Variants in SGCD observed in about 807,000 individuals in gnomAD.
SGCD encodes sarcoglycan delta, also known as delta-sarcoglycan.
In SGCD, 18 loss-of-function variants were observed where a neutral mutation model predicts 36.6. That is an observed-to-expected ratio of 0.49 (90% confidence interval 0.34 to 0.73). SGCD has a LOEUF of 0.73. Among genes scored for constraint, SGCD ranks in the 30% least tolerant of loss-of-function variants. The pLI, the probability that SGCD is intolerant of heterozygous loss-of-function variation, is 0.01. For synonymous variants in SGCD, 133 were observed against 130.6 expected (o/e 1.02, Z -0.12); for missense variants, 387 against 346.7 (o/e 1.12, Z -0.92).
At chr5:155,999,311 C>A (rs1479927023) in intron 1 of SGCD, among the ~76,000 whole-genome samples, 1 of 152,164 alleles carries the variant, frequency 6.6e-6, no homozygotes, top group Non-Finnish European at 1.5e-5. Flanking sequence ...GTTTGTTTCC[C>A]CCACTAAACA....
At chr5:155,881,323 T>TAAATAAATAAATAAAG (rs942789932) in intron 1 of SGCD, among the ~76,000 whole-genome samples, 38 of 151,510 alleles carry the variant, frequency 2.5e-4, no homozygotes, top group Admixed American at 6.6e-4. Flanking sequence ...AATAAATAAA[T>TAAATAAATAAATAAAG]AAAGAATATA....
chr5:156,472,769 A>G (rs1170204778), intron 3 of SGCD, among the ~76,000 whole-genome samples: 1 of 152,178 alleles, frequency 6.6e-6, no homozygotes, highest in East Asian at 1.9e-4. Flanking sequence ...TGAAAGAAAC[A>G]AGACACCAAA....
intron 3 of SGCD, among the ~76,000 whole-genome samples, chr5:156,349,894 C>A (rs988852957): frequency 1.3e-5 from 2 of 151,844 alleles, no homozygotes; most frequent in Non-Finnish European, 2.9e-5. Context: ...ATACATACAC[C>A]ATCAGCCATA....
intron 1 of SGCD, among the ~76,000 whole-genome samples, chr5:155,915,452 A>G (rs1488342006): frequency 1.3e-5 from 2 of 152,200 alleles, no homozygotes; most frequent in African/African-American, 4.8e-5. Context: ...AGGCCCCAGA[A>G]TAGTAGACAT....
At chr5:156,135,411 G>A (rs545873471) in intron 3 of SGCD, among the ~76,000 whole-genome samples, 13 of 152,226 alleles carry the variant, frequency 8.5e-5, no homozygotes, top group African/African-American at 2.9e-4. Context: ...TAAGACACCT[G>A]GTACATGTGC....
chr5:155,821,460 CCCA>C, the SGCD span, among the ~76,000 whole-genome samples: 1 of 152,056 alleles, frequency 6.6e-6, no homozygotes, highest in African/African-American at 2.4e-5. Flanking sequence ...ACTACAGGTG[CCCA>C]CCACCACGCC....
intron 3 of SGCD, among the ~76,000 whole-genome samples, chr5:156,127,617 TATAAAA>T (rs1199959170): frequency 6.6e-6 from 1 of 151,776 alleles, no homozygotes; most frequent in East Asian, 1.9e-4. Context: ...ACTCTGTCCC[TATAAAA>T]ATAAAAATAA....
chr5:155,924,763 A>T (rs1309581755), intron 1 of SGCD, among the ~76,000 whole-genome samples: 1 of 152,158 alleles, frequency 6.6e-6, no homozygotes, highest in Non-Finnish European at 1.5e-5. Context: ...CTAAATTTTC[A>T]TTATTTGTTC....
intron 3 of SGCD, among the ~76,000 whole-genome samples, chr5:156,254,877 T>G (rs1765676671): frequency 6.6e-6 from 1 of 152,112 alleles, no homozygotes; most frequent in Admixed American, 6.6e-5. Context: ...CATTTTTTTT[T>G]GTAAAAGAAA....
At chr5:155,920,990 T>C (rs1337853252) in intron 1 of SGCD, among the ~76,000 whole-genome samples, 1 of 151,846 alleles carries the variant, frequency 6.6e-6, no homozygotes, top group Non-Finnish European at 1.5e-5. Flanking sequence ...ATTGAAGCAA[T>C]GGGGGTGATA....
the SGCD span, among the ~76,000 whole-genome samples, chr5:155,826,029 C>T: frequency 2.0e-5 from 3 of 152,278 alleles, no homozygotes; most frequent in East Asian, 1.9e-4. Context: ...GGATCACAGG[C>T]GTGAGCCACC....
intron 3 of SGCD, among the ~76,000 whole-genome samples, chr5:156,444,347 A>G (rs975190129): frequency 1.3e-5 from 2 of 152,036 alleles, no homozygotes; most frequent in Non-Finnish European, 2.9e-5. Context: ...TACACAAAAA[A>G]TAATATTTCT....
At chr5:156,558,237 C>G (rs1298769071) in intron 4 of SGCD, among the ~76,000 whole-genome samples, 1 of 151,242 alleles carries the variant, frequency 6.6e-6, no homozygotes, top group African/African-American at 2.4e-5. Flanking sequence ...AGTCTTTGGC[C>G]AAGTTACTTA....
At chr5:155,780,547 G>T in the SGCD span, among the ~76,000 whole-genome samples, 1 of 152,116 alleles carries the variant, frequency 6.6e-6, no homozygotes, top group Non-Finnish European at 1.5e-5. Context: ...CGACTGCTGA[G>T]AATTACTTGT....
intron 7 of SGCD, among the ~76,000 whole-genome samples, chr5:156,725,804 G>A (rs1033682468): frequency 2.0e-5 from 3 of 152,080 alleles, no homozygotes; most frequent in African/African-American, 7.2e-5. Context: ...ATTGACTAAC[G>A]TGTCTGCACA....
At position 156,428,096 on chromosome 5, in the gene SGCD, T is replaced by A. The variant is rs1258506911; in HGVS notation, c.193-80505T>A. Reference sequence around the variant, plus strand: ...CCTCTTTCTCTATCTTGTGGAATACTGTCAATAGGATTGGTACCAATTCCT... The same window carrying A: ...CCTCTTTCTCTATCTTGTGGAATACAGTCAATAGGATTGGTACCAATTCCT... On this transcript the variant is annotated intron_variant, in intron 3 of 8. Coordinates refer to ENST00000337851, the MANE Select transcript of SGCD (RefSeq NM_000337.6). Among the ~76,000 whole-genome samples, 4 of 152,284 alleles carry A rather than the reference T, an allele frequency of 2.6e-5. No individual in the cohort carries two copies. In the East Asian group the frequency reaches 7.7e-4, roughly 29 times the overall value.
At chr5:156,458,485 CA>C in intron 3 of SGCD, 4 of 1,608,420 alleles carry the variant, frequency 2.5e-6, no homozygotes, top group Non-Finnish European at 3.4e-6. Flanking sequence ...ACACAGTCAG[CA>C]AATGACAAGG....
intron 1 of SGCD, among the ~76,000 whole-genome samples, chr5:156,110,949 T>C (rs1761767892): frequency 6.6e-6 from 1 of 152,148 alleles, no homozygotes. Context: ...GTCTGAGATC[T>C]GGGGTGAGGA....
At chr5:156,075,292 A>G (rs1442997543) in intron 1 of SGCD, among the ~76,000 whole-genome samples, 5 of 152,214 alleles carry the variant, frequency 3.3e-5, no homozygotes, top group Non-Finnish European at 1.5e-5. Context: ...TACATAGCAT[A>G]TTGAATAGTA....
Sources: allele counts gnomAD v4.1 joint callset (sites outside exome capture counted in the v4.1 genomes callset), GRCh38; gene constraint gnomAD v4.1.1; transcripts MANE v1.5; gene names NCBI Gene and HGNC (gene_info 2026-07-23, HGNC 2026-07-21).